The following CHLSN variants were observed in gnomAD, a reference collection of about 807,000 sequenced individuals.
CHLSN encodes cholesin, also known as protein cholesin.
chr7:1,084,488 G>A, the CHLSN span, among the ~76,000 whole-genome samples: 2 of 152,252 alleles, frequency 1.3e-5, no homozygotes, highest in Non-Finnish European at 2.9e-5. Flanking sequence ...GCGTGGTACT[G>A]TGAGCACCTC....
At chr7:986,800 G>GCCCAGCTAACGGCTGTAATCCCAGCAC in the CHLSN span, 1 of 1,551,296 alleles carries the variant, frequency 6.4e-7, no homozygotes, top group East Asian at 2.3e-5. Flanking sequence ...AGGGACAGGT[G>GCCCAGCTAACGGCTGTAATCCCAGCAC]TGTCGGGACC....
the CHLSN span, among the ~76,000 whole-genome samples, chr7:1,132,698 A>G: frequency 6.8e-6 from 1 of 147,938 alleles, no homozygotes; most frequent in African/African-American, 2.5e-5. Context: ...TGTCTTTAAA[A>G]AAAAAAAAAA....
the CHLSN span, among the ~76,000 whole-genome samples, chr7:1,127,563 C>G: frequency 5.3e-5 from 8 of 150,460 alleles, no homozygotes; most frequent in Non-Finnish European, 1.0e-4. Flanking sequence ...TATGGACAAC[C>G]AACTTGACAC....
At chr7:1,066,478 C>T in the CHLSN span, among the ~76,000 whole-genome samples, 1 of 152,232 alleles carries the variant, frequency 6.6e-6, no homozygotes, top group South Asian at 2.1e-4. Context: ...TTTCCCTTCC[C>T]TACAAACTGT....
At chr7:1,116,195 T>TC in the CHLSN span, among the ~76,000 whole-genome samples, 1 of 118,308 alleles carries the variant, frequency 8.5e-6, no homozygotes, top group Non-Finnish European at 1.7e-5. Context: ...ATGACATCAC[T>TC]ACAGCTCTAG....
the CHLSN span, among the ~76,000 whole-genome samples, chr7:998,251 C>T: frequency 6.6e-6 from 1 of 152,152 alleles, no homozygotes; most frequent in Admixed American, 6.5e-5. Context: ...GTGGGGGCAC[C>T]TCTGCACAGG....
At chr7:986,488 C>G in the CHLSN span, 2 of 1,017,944 alleles carry the variant, frequency 2.0e-6, no homozygotes, top group African/African-American at 1.6e-5. Context: ...AAGGGTCCCC[C>G]CGTTCTGTGG....
the CHLSN span, among the ~76,000 whole-genome samples, chr7:1,070,617 C>T: frequency 2.0e-5 from 3 of 147,224 alleles, no homozygotes; most frequent in Non-Finnish European, 4.5e-5. Context: ...CATGCATGCA[C>T]ACACGCACAC....
chr7:1,094,339 G>A, the CHLSN span, among the ~76,000 whole-genome samples: 5 of 152,246 alleles, frequency 3.3e-5, no homozygotes, highest in Non-Finnish European at 4.4e-5. Flanking sequence ...CCTGCGCAGG[G>A]CGTCGGGATG....
chr7:1,086,316 C>T, the CHLSN span, among the ~76,000 whole-genome samples: 3 of 152,336 alleles, frequency 2.0e-5, no homozygotes, highest in African/African-American at 7.2e-5. Context: ...TCTCATGACT[C>T]ACATCTTTCA....
the CHLSN span, chr7:1,000,405 GTGCCTGCCCCGCCGTGC>G: frequency 9.2e-7 from 1 of 1,086,894 alleles, no homozygotes; most frequent in Non-Finnish European, 1.2e-6. Context: ...CCGGGGGGAC[GTGCCTGCCCCGCCGTGC>G]ACAGACCTCA....
chr7:1,044,812 G>A, the CHLSN span, among the ~76,000 whole-genome samples: 1 of 152,164 alleles, frequency 6.6e-6, no homozygotes. Context: ...GCGGGGCTCC[G>A]TGCCCTTGCC....
chr7:1,124,802 G>A, the CHLSN span, among the ~76,000 whole-genome samples: 3 of 151,960 alleles, frequency 2.0e-5, no homozygotes, highest in East Asian at 5.8e-4. Context: ...AACAGCCTGC[G>A]GAGGAGGAGC....
At chr7:1,097,725 C>T in the CHLSN span, among the ~76,000 whole-genome samples, 34 of 152,124 alleles carry the variant, frequency 2.2e-4, 1 homozygote, top group Admixed American at 2.6e-4. The surrounding 1 kb of genome is among the most constrained non-coding windows in gnomAD (Gnocchi z 4.3). Flanking sequence ...ACAGTGGAGA[C>T]GGGACAGCCC....
At chr7:1,071,760 A>G in the CHLSN span, among the ~76,000 whole-genome samples, 3 of 152,322 alleles carry the variant, frequency 2.0e-5, no homozygotes, top group Non-Finnish European at 4.4e-5. Context: ...ATTCGGTGTC[A>G]CCAGCATGGG....
chr7:1,064,853 C>T, the CHLSN span, among the ~76,000 whole-genome samples: 1 of 152,226 alleles, frequency 6.6e-6, no homozygotes, highest in African/African-American at 2.4e-5. Context: ...GCCCACCCCA[C>T]ACTCAGGGCG....
chr7:1,000,834 C>G, the CHLSN span, among the ~76,000 whole-genome samples: 1 of 152,244 alleles, frequency 6.6e-6, no homozygotes, highest in African/African-American at 2.4e-5. Context: ...TGGGCTCCCC[C>G]ACCCCATGGG....
At chr7:1,002,366 T>G in the CHLSN span, among the ~76,000 whole-genome samples, 4 of 88,208 alleles carry the variant, frequency 4.5e-5, no homozygotes, top group African/African-American at 9.2e-5. Flanking sequence ...TGTGGGTGAA[T>G]GGAGTCCTGT....
the CHLSN span, among the ~76,000 whole-genome samples, chr7:1,002,892 G>C: frequency 9.3e-6 from 1 of 107,788 alleles, no homozygotes; most frequent in Non-Finnish European, 1.9e-5. Context: ...GGAGTCCTTG[G>C]GTGAGTGGAG....
Sources: allele counts gnomAD v4.1 joint callset (sites outside exome capture counted in the v4.1 genomes callset), GRCh38; gene constraint gnomAD v4.1.1; non-coding constraint Gnocchi (gnomAD v3.1); transcripts MANE v1.5; gene names NCBI Gene and HGNC (gene_info 2026-07-23, HGNC 2026-07-21).